Variants in CNOT2 observed in about 807,000 individuals in gnomAD.
CNOT2 encodes the protein CCR4-NOT transcription complex subunit 2.
In CNOT2, 7 loss-of-function variants were observed where a neutral mutation model predicts 72.1. The ratio of observed to expected loss-of-function variants is 0.10; its 90% confidence interval spans 0.06 to 0.18. The LOEUF is 0.18. Among genes scored for constraint, CNOT2 ranks in the 10% least tolerant of loss-of-function variants. The pLI is 1.00. For missense variants in CNOT2, 345 were observed against 660.3 expected, an observed-to-expected ratio of 0.52 and a Z score of 5.23; for synonymous variants, 196 against 225.6, an observed-to-expected ratio of 0.87 and a Z score of 1.17.
chr12:70,279,503 C>T (rs937105017), intron 2 of CNOT2, among the ~76,000 whole-genome samples: 4 of 152,210 alleles, frequency 2.6e-5, no homozygotes, highest in African/African-American at 9.7e-5. Flanking sequence ...GAGTTGTCCT[C>T]ATAGACTTGA....
intron 4 of CNOT2, among the ~76,000 whole-genome samples, chr12:70,324,934 A>G (rs1447119210): frequency 6.6e-6 from 1 of 151,808 alleles, no homozygotes; most frequent in Non-Finnish European, 1.5e-5. Flanking sequence ...TTCATATACT[A>G]TCTTCTGTCT....
At chr12:70,299,387 C>A (rs1217070931) in intron 2 of CNOT2, among the ~76,000 whole-genome samples, 10 of 137,780 alleles carry the variant, frequency 7.3e-5, no homozygotes, top group African/African-American at 2.7e-4. Flanking sequence ...CCCCACCCCC[C>A]AACAGTCCCC....
At chr12:70,260,138 C>T (rs895909241) in intron 1 of CNOT2, among the ~76,000 whole-genome samples, 3 of 152,114 alleles carry the variant, frequency 2.0e-5, no homozygotes, top group African/African-American at 7.2e-5. Context: ...AGTATCTGCT[C>T]CATGAATTTC....
At chr12:70,283,531 AC>A (rs1870271520) in intron 2 of CNOT2, among the ~76,000 whole-genome samples, 1 of 151,708 alleles carries the variant, frequency 6.6e-6, no homozygotes. Flanking sequence ...TTAATACTTA[AC>A]AATTGAAAAG....
intron 2 of CNOT2, among the ~76,000 whole-genome samples, chr12:70,301,227 G>GATTGC (rs1593170323): frequency 1.3e-5 from 2 of 152,224 alleles, no homozygotes; most frequent in East Asian, 3.9e-4. Context: ...TCTCCTGCCT[G>GATTGC]ATTGCCCTGG....
At chr12:70,275,158 C>T (rs1868553724) in intron 1 of CNOT2, among the ~76,000 whole-genome samples, 1 of 151,328 alleles carries the variant, frequency 6.6e-6, no homozygotes, top group Non-Finnish European at 1.5e-5. Context: ...AGATAGTTTT[C>T]TTTTCTTTTC....
intron 7 of CNOT2, among the ~76,000 whole-genome samples, chr12:70,334,099 T>C (rs1475828066): frequency 6.6e-6 from 1 of 151,978 alleles, no homozygotes; most frequent in East Asian, 1.9e-4. Flanking sequence ...CTTTATTAGG[T>C]TGAAACATAG....
At chr12:70,260,038 T>G (rs1290321869) in intron 1 of CNOT2, among the ~76,000 whole-genome samples, 1 of 152,208 alleles carries the variant, frequency 6.6e-6, no homozygotes, top group Non-Finnish European at 1.5e-5. Context: ...CCTATCCTTA[T>G]GCCAGTATCC....
At chr12:70,310,165 C>T (rs1876207733) in intron 2 of CNOT2, among the ~76,000 whole-genome samples, 1 of 151,934 alleles carries the variant, frequency 6.6e-6, no homozygotes. Context: ...AATTGAGCAT[C>T]CGTGGATTTT....
At position 70,353,983 on chromosome 12, in the gene CNOT2, A is replaced by G. The variant is rs142384304; in HGVS notation, c.*68A>G. On this transcript the variant is annotated 3_prime_UTR_variant, in exon 16 of 16. Coordinates refer to ENST00000229195, the MANE Select transcript of CNOT2 (RefSeq NM_014515.7). ...TATGGCTGTCTCAGCACAATACTCA[A>G]CATAACTGCAGAACTGATGTGGCTC... 384 of 1,547,034 alleles carry G rather than the reference A, an allele frequency of 2.5e-4. 1 individual carries two copies. In the East Asian group the frequency reaches 8.7e-3, roughly 35 times the overall value.
intron 2 of CNOT2, chr12:70,297,654 G>C: frequency 4.2e-6 from 1 of 238,694 alleles, no homozygotes; most frequent in East Asian, 1.7e-4. Flanking sequence ...AAAAATGTTA[G>C]TTCTTTGGGA....
intron 4 of CNOT2, among the ~76,000 whole-genome samples, chr12:70,326,422 C>A (rs1284043270): frequency 2.0e-5 from 3 of 150,680 alleles, no homozygotes; most frequent in Non-Finnish European, 1.5e-5. Flanking sequence ...TTTTTTATGC[C>A]AAGAAAAACT....
intron 1 of CNOT2, among the ~76,000 whole-genome samples, chr12:70,246,832 T>C (rs1235651236): frequency 6.6e-6 from 1 of 152,218 alleles, no homozygotes; most frequent in Non-Finnish European, 1.5e-5. Context: ...ATTAGGAATG[T>C]CCTGGAAATA....
At chr12:70,277,173 G>A (rs1868971882) in intron 1 of CNOT2, among the ~76,000 whole-genome samples, 1 of 152,020 alleles carries the variant, frequency 6.6e-6, no homozygotes, top group Non-Finnish European at 1.5e-5. Flanking sequence ...TATTAGTTCA[G>A]TAGGTATGCA....
At chr12:70,319,681 G>A (rs375626343) in intron 4 of CNOT2, among the ~76,000 whole-genome samples, 1 of 151,430 alleles carries the variant, frequency 6.6e-6, no homozygotes, top group Non-Finnish European at 1.5e-5. Flanking sequence ...TTCAATTAAA[G>A]GAAGTTAAAA....
At chr12:70,288,143 T>C (rs796389149) in intron 2 of CNOT2, among the ~76,000 whole-genome samples, 2 of 107,154 alleles carry the variant, frequency 1.9e-5, no homozygotes, top group African/African-American at 7.3e-5. Flanking sequence ...GCTCTTTTTT[T>C]TTTTTTTTTT....
intron 2 of CNOT2, among the ~76,000 whole-genome samples, chr12:70,281,330 G>A (rs1463952736): frequency 1.3e-5 from 2 of 152,050 alleles, no homozygotes; most frequent in East Asian, 1.9e-4. Context: ...TGATCTGCCC[G>A]CCTTGGCCTC....
Position 70,342,249 on chromosome 12 carries a change from A to G in CNOT2, c.1241-9A>G. On this transcript the variant is annotated splice_polypyrimidine_tract_variant and intron_variant, in intron 12 of 15. Transcript: ENST00000229195. ...CAGTTAATAAGGCTTTTTTCATTTT[A>G]TTATCCAGACTTCCATGTTCCATCT... is the stretch of plus-strand genomic sequence containing the variant. The G allele has an allele frequency of 1.2e-6, 2 of 1,613,636 alleles. No individual in the cohort carries two copies. The highest frequency in any genetic ancestry group is 1.1e-5 in the South Asian group (1 of 91,048).
chr12:70,349,983 A>G (rs1882674757), intron 15 of CNOT2, among the ~76,000 whole-genome samples: 1 of 151,860 alleles, frequency 6.6e-6, no homozygotes, highest in South Asian at 2.1e-4. Context: ...ACTCCAGCCC[A>G]GGTGACAGAG....
Sources: allele counts gnomAD v4.1 joint callset (sites outside exome capture counted in the v4.1 genomes callset), GRCh38; gene constraint gnomAD v4.1.1; transcripts MANE v1.5; gene names NCBI Gene and HGNC (gene_info 2026-07-23, HGNC 2026-07-21).